PJA2: variants seen among roughly 807,000 people sequenced by gnomAD.
The protein encoded by PJA2 is E3 ubiquitin-protein ligase Praja-2.
PJA2 carries 25 observed loss-of-function variants against 69.3 expected under a neutral mutation model. That is an observed-to-expected ratio of 0.36 (90% CI 0.26 to 0.50). The LOEUF (loss-of-function observed/expected upper bound fraction) is 0.50. Ranked by LOEUF, PJA2 falls within the 20% of genes least tolerant of loss-of-function variation. The pLI, the probability that PJA2 is intolerant of heterozygous loss-of-function variation, is 0.96. For synonymous variants in PJA2, 308 were observed against 277.8 expected (o/e 1.11, Z -1.08); for missense variants, 809 against 830.2 (o/e 0.97, Z 0.31).
chr5:109,353,507 T>C (rs1022129036), intron 7 of PJA2, among the ~76,000 whole-genome samples: 3 of 92,822 alleles, frequency 3.2e-5, no homozygotes, highest in East Asian at 2.2e-4. Context: ...ATAATATCTA[T>C]AGATATCTAT....
intron 1 of PJA2, among the ~76,000 whole-genome samples, chr5:109,388,155 A>G (rs1228959877): frequency 6.6e-6 from 1 of 152,036 alleles, no homozygotes; most frequent in Non-Finnish European, 1.5e-5. Flanking sequence ...TTCTCTGCTC[A>G]CTCTTTCTGG....
intron 5 of PJA2, among the ~76,000 whole-genome samples, chr5:109,366,539 T>C (rs1762587820): frequency 6.6e-6 from 1 of 152,252 alleles, no homozygotes; most frequent in African/African-American, 2.4e-5. Flanking sequence ...ACCACTTTAA[T>C]ATCTTCATCA....
chr5:109,391,862 T>C (rs573894157), intron 1 of PJA2, among the ~76,000 whole-genome samples: 2 of 152,302 alleles, frequency 1.3e-5, no homozygotes, highest in East Asian at 3.9e-4. Context: ...TGAAAGGATA[T>C]CGTTTACAAG....
chr5:109,353,407 ATC>A (rs1268384858), intron 7 of PJA2, among the ~76,000 whole-genome samples: 1 of 128,786 alleles, frequency 7.8e-6, no homozygotes, highest in African/African-American at 2.9e-5. Flanking sequence ...AGATACCTAT[ATC>A]TATAGACATC....
intron 6 of PJA2, 39 bp from the exon 7 acceptor site, chr5:109,356,065 A>G (rs745359648): frequency 1.5e-6 from 2 of 1,360,220 alleles, no homozygotes; most frequent in East Asian, 2.3e-5. Context: ...ACTCACCACT[A>G]TGATTTGGGA....
At chr5:109,377,305 C>A (rs917686467) in intron 4 of PJA2, among the ~76,000 whole-genome samples, 1 of 152,064 alleles carries the variant, frequency 6.6e-6, no homozygotes, top group Non-Finnish European at 1.5e-5. Context: ...ATTATTTCCA[C>A]TAGCTAATAA....
intron 6 of PJA2, among the ~76,000 whole-genome samples, chr5:109,358,623 C>G (rs1762458231): frequency 6.6e-6 from 1 of 152,090 alleles, no homozygotes; most frequent in African/African-American, 2.4e-5. Flanking sequence ...AGTTCAAGAC[C>G]AGCCTGGGCA....
At chr5:109,382,997 C>T (rs1471602553) in intron 2 of PJA2, among the ~76,000 whole-genome samples, 1 of 152,012 alleles carries the variant, frequency 6.6e-6, no homozygotes, top group African/African-American at 2.4e-5. Context: ...TAAATAATAT[C>T]AAGTGTTACA....
At chr5:109,358,320 T>C (rs1762451998) in intron 6 of PJA2, among the ~76,000 whole-genome samples, 1 of 152,230 alleles carries the variant, frequency 6.6e-6, no homozygotes, top group African/African-American at 2.4e-5. Flanking sequence ...TATCCCTTTA[T>C]TTTGGCCCAT....
In PJA2 at chr5:109,354,089, T is replaced by G. The variant is rs573036438; in HGVS notation, c.1764+1826A>C. On this transcript the variant is annotated intron_variant, in intron 7 of 9. Transcript: ENST00000361189. ...TAGAGATATCTATAGATTAGATATC[T>G]ATATCTAGAGATATCTATAGATTAG... Among the ~76,000 whole-genome samples the G allele has an allele frequency of 4.1e-4, 21 of 51,534 alleles. 1 individual carries two copies. Among genetic ancestry groups the G allele is most frequent in the South Asian group, 1.4e-3 (2 of 1,414 alleles). The allele number at this position is 51,534 out of a possible 152,430, so 33.8% of individuals were successfully genotyped here. A position where few individuals can be genotyped will look rare whatever the true frequency, so the allele number is the denominator to read the frequency against.
intron 4 of PJA2, 43 bp downstream of exon 4, chr5:109,378,156 CCACTT>C (rs1433284067): frequency 7.3e-7 from 1 of 1,364,548 alleles, no homozygotes; most frequent in African/African-American, 1.4e-5. Flanking sequence ...TAGAAAGAAA[CCACTT>C]CATTTACTAC....
chr5:109,381,757 C>A, intron 2 of PJA2, 54 bp from the exon 3 acceptor site: 1 of 1,506,054 alleles, frequency 6.6e-7, no homozygotes, highest in Non-Finnish European at 9.1e-7. Flanking sequence ...TTTATTCTTG[C>A]AACCTGTTGG....
At chr5:109,357,139 A>G (rs984624410) in intron 6 of PJA2, among the ~76,000 whole-genome samples, 1 of 152,028 alleles carries the variant, frequency 6.6e-6, no homozygotes, top group Admixed American at 6.6e-5. Flanking sequence ...CTCTTGACCT[A>G]CATTTCTAGT....
At chr5:109,398,666 T>C (rs1187752826) in intron 1 of PJA2, among the ~76,000 whole-genome samples, 5 of 148,864 alleles carry the variant, frequency 3.4e-5, no homozygotes, top group African/African-American at 9.9e-5. Context: ...TTAGGAGATA[T>C]ACCTAATGTA....
In PJA2 at chr5:109,353,630, A is replaced by G. The variant is rs1031145413; in HGVS notation, c.1764+2285T>C. On this transcript the variant is annotated intron_variant, in intron 7 of 9. Coordinates refer to ENST00000361189, the MANE Select transcript of PJA2 (RefSeq NM_014819.5). ...ATAGACATCTATATATTAGATACCTATATCATAGATATCTATATATTAGAT... is the reference window on the plus strand; with the variant it reads ...ATAGACATCTATATATTAGATACCTGTATCATAGATATCTATATATTAGAT... Among the ~76,000 whole-genome samples the G allele has an allele frequency of 8.7e-5, 11 of 127,114 alleles. No individual in the cohort carries two copies. In the East Asian group the frequency reaches 2.8e-3, roughly 32 times the overall value. 83.4% of individuals were successfully genotyped at this position (127,114 alleles called of 152,430 possible).
At position 109,378,273 on chromosome 5, in the gene PJA2, T is replaced by C; in HGVS notation, c.1214A>G (p.Gln405Arg). 1 of 1,614,126 alleles carries C rather than the reference T, an allele frequency of 6.2e-7. No individual in the cohort carries two copies. The highest frequency in any genetic ancestry group is 2.2e-5 in the East Asian group (1 of 44,886). ...ATTCCAAAAGGTGTTATCCACCTCT[T>C]GCCTTCCTGCTGTGGCTCCACTTTC... ...TSESGATAGR[Q>R]EVDNTFWNGC... is the part of the protein sequence containing the mutation. Residue 405 changes from glutamine (Q) to arginine (R), a missense_variant, in exon 4 of 10, where the codon CAA becomes CGA. Coordinates refer to ENST00000361189, the MANE Select transcript of PJA2 (RefSeq NM_014819.5).
chr5:109,396,048 G>T (rs553032707), intron 1 of PJA2, among the ~76,000 whole-genome samples: 1 of 151,270 alleles, frequency 6.6e-6, no homozygotes, highest in East Asian at 1.9e-4. Context: ...AAGCAGACAG[G>T]TTACAAAAAT....
chr5:109,348,924 T>C (rs941834936), intron 7 of PJA2, among the ~76,000 whole-genome samples: 1 of 152,230 alleles, frequency 6.6e-6, no homozygotes, highest in Non-Finnish European at 1.5e-5. Context: ...TTTTCCTCTT[T>C]CCCATTTCTA....
In PJA2 at chr5:109,405,546, G is replaced by A. The variant is rs115466039; in HGVS notation, c.-88+4296C>T. 7.0e-3 allele frequency among the ~76,000 whole-genome samples: 1,062 copies of A among 152,202 alleles called. 12 individuals carry two copies. The highest frequency in any genetic ancestry group is 0.024 in the African/African-American group (1,003 of 41,520). On this transcript the variant is annotated intron_variant, in intron 1 of 9. Transcript: ENST00000361189. ...AAATAACCATGATAACTCAGTACTG[G>A]CAAAATTATAGGCATAAAGATCAAG...
Sources: allele counts gnomAD v4.1 joint callset (sites outside exome capture counted in the v4.1 genomes callset), GRCh38; gene constraint gnomAD v4.1.1; transcripts MANE v1.5; gene names NCBI Gene and HGNC (gene_info 2026-07-23, HGNC 2026-07-21).